NPC1: variants seen among roughly 807,000 people sequenced by gnomAD.
NPC1 encodes the protein Niemann-Pick C1 protein.
NPC1 carries 85 observed loss-of-function variants against 140.4 expected under a neutral mutation model. That is an observed-to-expected ratio of 0.61 (90% confidence interval 0.51 to 0.72). The LOEUF (loss-of-function observed/expected upper bound fraction) is 0.72, where lower values mean the gene tolerates loss of function less well. Ranked by LOEUF, NPC1 falls within the 30% of genes least tolerant of loss-of-function variation. The pLI is 0.00. For missense variants in NPC1, 1,504 were observed against 1,623.8 expected (o/e 0.93, Z 1.27); for synonymous variants, 656 against 624.8 (o/e 1.05, Z -0.74).
downstream of NPC1, chr18:23,530,272 A>G: frequency 6.2e-7 from 1 of 1,614,218 alleles, no homozygotes; most frequent in Non-Finnish European, 8.5e-7. Context: ...CCTCCTGCTC[A>G]TCAGCTATCT....
chr18:23,553,668 G>C (rs995441639), intron 9 of NPC1, among the ~76,000 whole-genome samples: 2 of 152,164 alleles, frequency 1.3e-5, no homozygotes, highest in African/African-American at 4.8e-5. Context: ...ATGTCCCTAG[G>C]CCAGGTCCCT....
chr18:23,519,302 G>A, downstream of NPC1: 1 of 756,922 alleles, frequency 1.3e-6, no homozygotes, highest in East Asian at 2.7e-5. Context: ...CAGATTGCTT[G>A]AGCCCAGGAG....
intron 3 of NPC1, among the ~76,000 whole-genome samples, chr18:23,510,918 G>A (rs71409592): frequency 6.6e-6 from 1 of 152,186 alleles, no homozygotes; most frequent in Non-Finnish European, 1.5e-5. Context: ...ACAGTATGGC[G>A]ATTCCTCAGA....
At chr18:23,515,041 G>A (rs1194558996) in intron 3 of NPC1, among the ~76,000 whole-genome samples, 1 of 152,132 alleles carries the variant, frequency 6.6e-6, no homozygotes, top group Non-Finnish European at 1.5e-5. Context: ...CCCAGGCCCA[G>A]TGTAGACTGG....
At chr18:23,511,015 G>A (rs1341905684) in intron 3 of NPC1, among the ~76,000 whole-genome samples, 1 of 152,184 alleles carries the variant, frequency 6.6e-6, no homozygotes, top group African/African-American at 2.4e-5. Flanking sequence ...TACCATAAAG[G>A]CACATGCACG....
rs2059421116 is a variant in NPC1 at position 23,586,462 on chromosome 18, G to A, written c.-119C>T. The A allele has an allele frequency of 3.4e-6, 5 of 1,474,320 alleles. No homozygotes were observed. The highest frequency in any genetic ancestry group is 4.5e-6 in the Non-Finnish European group (5 of 1,119,456). The allele number at this position is 1,474,320 out of a possible 1,614,324, so 91.3% of individuals were successfully genotyped here. A position where few individuals can be genotyped will look rare whatever the true frequency, so the allele number is the denominator to read the frequency against. On this transcript the variant is annotated 5_prime_UTR_variant, in exon 1 of 25. Coordinates refer to ENST00000269228, the MANE Select transcript of NPC1 (RefSeq NM_000271.5). The stretch of plus-strand genomic sequence containing the variant: ...GCGCAGGAGGAGCGGAGGAGCAGGA[G>A]CAGGCGCTGACCGCGGCAGCAGGCT...
chr18:23,543,158 T>C (rs1384006757), intron 14 of NPC1, among the ~76,000 whole-genome samples: 1 of 151,792 alleles, frequency 6.6e-6, no homozygotes, highest in Non-Finnish European at 1.5e-5. Flanking sequence ...TGAAACCCCA[T>C]CTCTATTAAA....
At chr18:23,550,077 A>G (rs139277473) in intron 10 of NPC1, among the ~76,000 whole-genome samples, 8 of 146,944 alleles carry the variant, frequency 5.4e-5, no homozygotes, top group African/African-American at 7.6e-5. Flanking sequence ...ATGTGGTGCA[A>G]TCTCGCTTAC....
intron 23 of NPC1, chr18:23,534,215 CTG>C: frequency 1.7e-6 from 1 of 605,946 alleles, no homozygotes; most frequent in East Asian, 2.8e-5. Context: ...TTTAACTTGT[CTG>C]TTATTTTCCT....
At chr18:23,527,960 C>G (rs1220377832), downstream of NPC1, 1 of 1,364,468 alleles carries the variant, frequency 7.3e-7, no homozygotes, top group Admixed American at 2.2e-5. Flanking sequence ...CGGGTATTTT[C>G]TAAGTAATTA....
chr18:23,529,286 T>C (rs1788825), downstream of NPC1: 1,102,671 of 1,610,904 alleles, frequency 0.68, 382,801 homozygotes, highest in East Asian at 0.94. Context: ...TGTCAGCCTT[T>C]GTGGAAAAGA....
chr18:23,532,850 ATTG>A, intron 24 of NPC1: 1 of 983,662 alleles, frequency 1.0e-6, no homozygotes, highest in East Asian at 1.1e-4. Flanking sequence ...GCAAATCAGT[ATTG>A]TTCTTTCAAC....
intron 3 of NPC1, among the ~76,000 whole-genome samples, chr18:23,517,244 G>A (rs1281613623): frequency 6.6e-6 from 1 of 151,812 alleles, no homozygotes; most frequent in African/African-American, 2.4e-5. Context: ...CCGCCTCCCA[G>A]GTTCAAGCGA....
intron 3 of NPC1, among the ~76,000 whole-genome samples, chr18:23,515,294 C>G (rs2057970675): frequency 6.6e-6 from 1 of 152,208 alleles, no homozygotes; most frequent in African/African-American, 2.4e-5. Context: ...GGGGCAGGTT[C>G]CCTAATCCAC....
chr18:23,559,677 C>CGGT (rs1427465478), intron 6 of NPC1, among the ~76,000 whole-genome samples: 1 of 150,874 alleles, frequency 6.6e-6, no homozygotes, highest in Admixed American at 6.6e-5. Context: ...CGGCTGGGCA[C>CGGT]GGTGGCTTAC....
At chr18:23,580,620 A>C (rs1213713753) in intron 1 of NPC1, among the ~76,000 whole-genome samples, 1 of 152,222 alleles carries the variant, frequency 6.6e-6, no homozygotes, top group Non-Finnish European at 1.5e-5. Flanking sequence ...CTGGATGGGT[A>C]AAGCTAATGG....
chr18:23,532,470 C>T (rs1289094901), intron 24 of NPC1, among the ~76,000 whole-genome samples, 186 bp from the exon 25 acceptor site: 1 of 152,100 alleles, frequency 6.6e-6, no homozygotes, highest in Non-Finnish European at 1.5e-5. Context: ...TCTTTGCTTT[C>T]TTCCTCAGGC....
At chr18:23,574,006 A>G (rs2059240080) in intron 1 of NPC1, among the ~76,000 whole-genome samples, 1 of 152,254 alleles carries the variant, frequency 6.6e-6, no homozygotes, top group Non-Finnish European at 1.5e-5. Flanking sequence ...ATCATGAGTA[A>G]CATGAAGAAC....
chr18:23,530,201 C>A (rs1598919294), downstream of NPC1: 2 of 1,614,038 alleles, frequency 1.2e-6, no homozygotes, highest in East Asian at 4.5e-5. Flanking sequence ...ATCTTTCCAA[C>A]TGAAGTGGGT....
Sources: allele counts gnomAD v4.1 joint callset (sites outside exome capture counted in the v4.1 genomes callset), GRCh38; gene constraint gnomAD v4.1.1; transcripts MANE v1.5; gene names NCBI Gene and HGNC (gene_info 2026-07-23, HGNC 2026-07-21).